LEPROTL1: variants seen among roughly 807,000 people sequenced by gnomAD.
LEPROTL1 encodes leptin receptor overlapping transcript like 1.
In LEPROTL1, 6 loss-of-function variants were observed where a neutral mutation model predicts 15.4. That is an observed-to-expected ratio of 0.39 (90% CI 0.21 to 0.77). The LOEUF is 0.77. Ranked by LOEUF, LEPROTL1 falls within the 30% of genes least tolerant of loss-of-function variation. LEPROTL1 has a pLI of 0.41. For missense variants in LEPROTL1, 128 were observed against 158.1 expected, an observed-to-expected ratio of 0.81 and a Z score of 1.02; for synonymous variants, 56 against 52.6, an observed-to-expected ratio of 1.06 and a Z score of -0.28.
At chr8:30,112,401 A>ATTTTTTTTTTTTTTTTTTTTTTTTT (rs10684450), downstream of LEPROTL1, among the ~76,000 whole-genome samples, 14 of 27,888 alleles carry the variant, frequency 5.0e-4, 4 homozygotes, top group Non-Finnish European at 6.8e-4. Flanking sequence ...TGCCCAGCTA[A>ATTTTTTTTTTTTTTTTTTTTTTTTT]TTTTTTTTTT....
chr8:30,115,587 A>G (rs1485061610), intron 3 of LEPROTL1, among the ~76,000 whole-genome samples: 1 of 111,474 alleles, frequency 9.0e-6, no homozygotes, highest in East Asian at 2.6e-4. Context: ...GGGTTTCACC[A>G]TGATGCCCAG....
intron 3 of LEPROTL1, among the ~76,000 whole-genome samples, chr8:30,129,362 G>T (rs909799116): frequency 6.6e-6 from 1 of 152,058 alleles, no homozygotes; most frequent in African/African-American, 2.4e-5. Flanking sequence ...TTATCTTTGC[G>T]AAGTTTTAAC....
intron 3 of LEPROTL1, among the ~76,000 whole-genome samples, chr8:30,126,912 C>T (rs556448850): frequency 2.0e-5 from 3 of 152,186 alleles, no homozygotes; most frequent in South Asian, 2.1e-4. Flanking sequence ...TGGTGGCACA[C>T]GCCTGTAATC....
At chr8:30,114,242 G>A (rs1274137808) in intron 3 of LEPROTL1, among the ~76,000 whole-genome samples, 1 of 151,436 alleles carries the variant, frequency 6.6e-6, no homozygotes, top group East Asian at 2.0e-4. Flanking sequence ...GTAAGGAAAA[G>A]TTATGCTCAG....
intron 1 of LEPROTL1, chr8:30,096,398 G>A: frequency 1.0e-6 from 1 of 985,352 alleles, no homozygotes; most frequent in Non-Finnish European, 1.2e-6. Context: ...CCGCTCTGTA[G>A]AAGGGCAGTC....
intron 3 of LEPROTL1, among the ~76,000 whole-genome samples, chr8:30,126,848 G>A (rs1483681493): frequency 1.3e-5 from 2 of 152,072 alleles, no homozygotes; most frequent in African/African-American, 4.8e-5. Flanking sequence ...GACCATCCTG[G>A]CCATCATGGC....
intron 3 of LEPROTL1, among the ~76,000 whole-genome samples, chr8:30,120,982 C>T (rs541397353): frequency 6.6e-6 from 1 of 152,190 alleles, no homozygotes; most frequent in Non-Finnish European, 1.5e-5. Context: ...CCCATTCCCC[C>T]TGCTCCCAGC....
intron 3 of LEPROTL1, among the ~76,000 whole-genome samples, chr8:30,128,090 C>T (rs1237623128): frequency 6.6e-6 from 1 of 152,102 alleles, no homozygotes; most frequent in East Asian, 1.9e-4. Flanking sequence ...GGAGACACCT[C>T]CTCTCTGTTT....
chr8:30,137,747 T>C (rs1029068988), downstream of LEPROTL1: 3 of 490,470 alleles, frequency 6.1e-6, no homozygotes, highest in Non-Finnish European at 1.1e-5. Flanking sequence ...ACAAAGACAA[T>C]CACAGACCTT....
intron 4 of LEPROTL1, chr8:30,132,917 A>G: frequency 6.7e-7 from 1 of 1,496,358 alleles, no homozygotes; most frequent in Non-Finnish European, 8.9e-7. Flanking sequence ...CTGCAAGATA[A>G]TTTTTTAAAG....
intron 3 of LEPROTL1, chr8:30,131,870 G>A: frequency 6.9e-7 from 1 of 1,454,348 alleles, no homozygotes; most frequent in South Asian, 1.5e-5. Context: ...TCAAATGTAT[G>A]CATTATCGAT....
chr8:30,105,504 C>T (rs1463081406), intron 3 of LEPROTL1, among the ~76,000 whole-genome samples: 2 of 148,812 alleles, frequency 1.3e-5, no homozygotes, highest in Non-Finnish European at 1.5e-5. Flanking sequence ...ATAAAAGTAC[C>T]ACTTTTATAC....
chr8:30,098,641 T>A (rs1429682918), intron 1 of LEPROTL1, among the ~76,000 whole-genome samples: 1 of 152,210 alleles, frequency 6.6e-6, no homozygotes, highest in Non-Finnish European at 1.5e-5. Flanking sequence ...AGTCCAACTG[T>A]CATTTTAGAG....
Position 30,105,956 on chromosome 8 carries a change from A to G in LEPROTL1, c.*94A>G. ...TGGGGCAGTTAATGCTGAATGGTAT[A>G]GCAAGCCTCTTGGGGGTATTTTAGG... On this transcript the variant is annotated 3_prime_UTR_variant, in exon 4 of 4. Transcript: ENST00000321250. The G allele has an allele frequency of 1.5e-6, 2 of 1,347,928 alleles. No individual in the cohort carries two copies. The highest frequency in any genetic ancestry group is 1.9e-6 in the Non-Finnish European group (2 of 1,037,394). The allele number at this position is 1,347,928 out of a possible 1,614,324, so 83.5% of individuals were successfully genotyped here.
chr8:30,117,140 TAGTC>T (rs1240326373), intron 3 of LEPROTL1, among the ~76,000 whole-genome samples: 13 of 152,146 alleles, frequency 8.5e-5, no homozygotes, highest in Admixed American at 2.6e-4. Context: ...CCTAGGGAAT[TAGTC>T]AGAGACAGAA....
Position 30,128,219 on chromosome 8 carries a change from A to G in LEPROTL1, c.280-4156A>G, listed in dbSNP as rs199717254. Among the ~76,000 whole-genome samples, 23 of 152,280 alleles carry G rather than the reference A, an allele frequency of 1.5e-4. No homozygotes were observed. In the East Asian group the frequency reaches 3.9e-3, roughly 26 times the overall value. Reference sequence around the variant, plus strand: ...AAATCACTTTCTACTGTCCAGAGAAATGTTCTTTCTACTACTGTCCAGAGA... The same window carrying G: ...AAATCACTTTCTACTGTCCAGAGAAGTGTTCTTTCTACTACTGTCCAGAGA... On this transcript the variant is annotated intron_variant, in intron 3 of 4. Coordinates refer to the LEPROTL1 transcript ENST00000442880.
At chr8:30,132,496 T>C in intron 4 of LEPROTL1, 2 of 1,551,704 alleles carry the variant, frequency 1.3e-6, no homozygotes, top group Non-Finnish European at 1.7e-6. Flanking sequence ...GTAGGTGAGC[T>C]TGAAAAGCCC....
chr8:30,113,369 A>G (rs3735990), downstream of LEPROTL1, among the ~76,000 whole-genome samples: 376 of 152,316 alleles, frequency 2.5e-3, 4 homozygotes, highest in East Asian at 0.035. Context: ...ATTTCTGAGA[A>G]AACGAAAACA....
rs1178399182 is a variant in LEPROTL1, at chr8:30,136,103, A to G, written c.395-1169A>G. 3.9e-5 allele frequency among the ~76,000 whole-genome samples: 6 copies of G among 152,130 alleles called. No individual in the cohort carries two copies. In the East Asian group the frequency reaches 9.6e-4, roughly 24 times the overall value. On this transcript the variant is annotated intron_variant, in intron 4 of 4. Transcript: ENST00000442880. Reference sequence around the variant, plus strand: ...GCAAGGTAGCCTCCAAATGCCACCAAACCCTGCTCATTCACTCTCTATTAT... The same window carrying G: ...GCAAGGTAGCCTCCAAATGCCACCAGACCCTGCTCATTCACTCTCTATTAT...
Sources: gnomAD v4.1 joint callset for allele counts (sites outside exome capture counted in the v4.1 genomes callset) on GRCh38, gnomAD v4.1.1 for gene constraint, MANE v1.5 for transcripts, NCBI Gene and HGNC (gene_info 2026-07-23, HGNC 2026-07-21) for gene names.